The following UBR1 variants were observed in gnomAD, a reference collection of about 807,000 sequenced individuals.
The protein encoded by UBR1 is ubiquitin protein ligase E3 component n-recognin 1, also known as E3 ubiquitin-protein ligase UBR1.
A neutral mutation model predicts 242.1 loss-of-function variants in UBR1; 102 were observed. The observed-to-expected ratio is 0.42, with a 90% CI of 0.36 to 0.50. The LOEUF (loss-of-function observed/expected upper bound fraction) is 0.50, where lower values mean the gene tolerates loss of function less well. Ranked by LOEUF, UBR1 falls within the 20% of genes least tolerant of loss-of-function variation. The pLI is 0.01. For missense variants in UBR1, 1,772 were observed against 2,101.8 expected (o/e 0.84, Z 3.07); for synonymous variants, 675 against 684.8 (o/e 0.99, Z 0.22).
intron 12 of UBR1, among the ~76,000 whole-genome samples, chr15:43,051,627 A>G (rs914843723): frequency 6.6e-6 from 1 of 152,224 alleles, no homozygotes; most frequent in African/African-American, 2.4e-5. Flanking sequence ...TTGCATTCAC[A>G]TTAAAATCTG....
intron 6 of UBR1, 142 bp from the exon 7 acceptor site, chr15:43,060,256 C>A (rs972026169): frequency 2.5e-6 from 2 of 816,076 alleles, no homozygotes; most frequent in East Asian, 2.4e-5. Context: ...GGAACAATAT[C>A]TGAAAGACAG....
rs191443517 is a variant in UBR1, at chr15:43,005,135, C to T, written c.3416-1205G>A. 3.4e-3 allele frequency among the ~76,000 whole-genome samples: 508 copies of T among 150,724 alleles called. 1 individual carries two copies. Among genetic ancestry groups the T allele is most frequent in the Middle Eastern group, 0.021 (6 of 284 alleles). ...CCGTCTGAGAAGTGAGGAGCCCCTC[C>T]GCCCGGCAGCCACCCCATCTGGGAA... On this transcript the variant is annotated intron_variant, in intron 30 of 46. Transcript: ENST00000290650.
intron 45 of UBR1, among the ~76,000 whole-genome samples, chr15:42,951,261 C>T (rs2031828054): frequency 6.6e-6 from 1 of 152,062 alleles, no homozygotes; most frequent in Non-Finnish European, 1.5e-5. Context: ...CTTGCTCTGT[C>T]AACCAGGCTG....
At chr15:43,080,742 G>T (rs2033965775) in intron 3 of UBR1, among the ~76,000 whole-genome samples, 1 of 152,064 alleles carries the variant, frequency 6.6e-6, no homozygotes, top group African/African-American at 2.4e-5. Flanking sequence ...ATCACTTGAG[G>T]TCAGGAGTTT....
chr15:43,044,338 G>A (rs1467222268), intron 14 of UBR1, among the ~76,000 whole-genome samples: 1 of 152,150 alleles, frequency 6.6e-6, no homozygotes, highest in East Asian at 1.9e-4. Flanking sequence ...TGACTATAAA[G>A]TAAAGTGATA....
chr15:43,079,006 G>A (rs1002678874), intron 3 of UBR1, among the ~76,000 whole-genome samples: 1 of 152,134 alleles, frequency 6.6e-6, no homozygotes, highest in African/African-American at 2.4e-5. Flanking sequence ...CAAATGAAAA[G>A]TTAATGAATA....
chr15:43,046,794 A>C (rs1413035803), intron 14 of UBR1, among the ~76,000 whole-genome samples: 1 of 152,212 alleles, frequency 6.6e-6, no homozygotes, highest in Non-Finnish European at 1.5e-5. Flanking sequence ...TGAAACTAAC[A>C]CATACAACAA....
In UBR1 at chr15:43,059,695, T is replaced by C. The variant is rs1483792324; in HGVS notation, c.985+7A>G. 1 of 1,613,736 alleles carries C rather than the reference T, an allele frequency of 6.2e-7. No homozygotes were observed. Among genetic ancestry groups the C allele is most frequent in the Admixed American group, 1.7e-5 (1 of 59,996 alleles). On this transcript the variant is annotated splice_region_variant and intron_variant, in intron 8 of 46. Coordinates refer to ENST00000290650, the MANE Select transcript of UBR1 (RefSeq NM_174916.3). ...TCAGAAACAAGAAAAACAGGAGGTA[T>C]GCTTACTTGAATAGCTCATAATTTT...
intron 41 of UBR1, among the ~76,000 whole-genome samples, chr15:42,965,202 TG>T (rs1368799948): frequency 6.6e-6 from 1 of 152,164 alleles, no homozygotes; most frequent in Non-Finnish European, 1.5e-5. Flanking sequence ...ATAAAGAAGC[TG>T]ATAGCCAGTA....
At chr15:43,068,380 C>T (rs779745862) in intron 5 of UBR1, among the ~76,000 whole-genome samples, 36 of 151,676 alleles carry the variant, frequency 2.4e-4, no homozygotes, top group Middle Eastern at 3.4e-3. Context: ...TGTAGAGATG[C>T]TTCGCCATTT....
intron 33 of UBR1, among the ~76,000 whole-genome samples, chr15:42,992,838 C>T (rs1410944234): frequency 1.3e-5 from 2 of 152,184 alleles, no homozygotes; most frequent in Non-Finnish European, 2.9e-5. Context: ...TTTATGACTG[C>T]GGATGCCCTT....
intron 45 of UBR1, 129 bp downstream of exon 45, chr15:42,952,149 A>G: frequency 2.6e-6 from 3 of 1,161,956 alleles, no homozygotes; most frequent in Non-Finnish European, 3.8e-6. Flanking sequence ...TTTCATGTCA[A>G]TAACAGGTTA....
chr15:43,076,802 C>G (rs2033905626), intron 3 of UBR1, among the ~76,000 whole-genome samples: 1 of 134,112 alleles, frequency 7.5e-6, no homozygotes, highest in African/African-American at 2.7e-5. Flanking sequence ...GCCCGGCCAG[C>G]CGCCCCGTCC....
At position 43,025,362 on chromosome 15, in the gene UBR1, T is replaced by A; in HGVS notation, c.2584+19A>T. On this transcript the variant is annotated intron_variant, in intron 24 of 46. Transcript: ENST00000290650. ...CAGAAAATAGTCAAAATGAGTCAATTCAGAATCTCACTTTTTACCTTCATC... is the reference window on the plus strand; with the variant it reads ...CAGAAAATAGTCAAAATGAGTCAATACAGAATCTCACTTTTTACCTTCATC... 6.2e-7 allele frequency: 1 copy of A among 1,603,200 alleles called. No individual in the cohort carries two copies. The highest frequency in any genetic ancestry group is 8.5e-7 in the Non-Finnish European group (1 of 1,172,542).
chr15:42,953,426 G>A (rs2031866387), intron 44 of UBR1, among the ~76,000 whole-genome samples: 1 of 152,172 alleles, frequency 6.6e-6, no homozygotes, highest in African/African-American at 2.4e-5. Context: ...GGTACTGACA[G>A]CCTTTTTTCT....
intron 12 of UBR1, among the ~76,000 whole-genome samples, chr15:43,051,473 C>G (rs2033554123): frequency 6.6e-6 from 1 of 152,054 alleles, no homozygotes; most frequent in Non-Finnish European, 1.5e-5. Flanking sequence ...CTAATGGGTA[C>G]TAGGCTTAAT....
At chr15:43,085,590 T>G (rs114453911) in intron 2 of UBR1, among the ~76,000 whole-genome samples, 1 of 151,964 alleles carries the variant, frequency 6.6e-6, no homozygotes, top group Non-Finnish European at 1.5e-5. Flanking sequence ...AATACCAAGA[T>G]TGTAATACTT....
chr15:43,044,398 A>G (rs1390854680), intron 14 of UBR1, among the ~76,000 whole-genome samples: 1 of 152,246 alleles, frequency 6.6e-6, no homozygotes, highest in Non-Finnish European at 1.5e-5. Flanking sequence ...ATGAACCCAT[A>G]GAAAATAATT....
chr15:42,950,451 T>C lies in UBR1; in HGVS notation c.5007-88A>G, dbSNP rs1596072205. 3.6e-6 allele frequency: 4 copies of C among 1,113,250 alleles called. No homozygotes were observed. The East Asian group carries it at 7.1e-5, about 20-fold the overall frequency. 69.0% of individuals were successfully genotyped at this position (1,113,250 alleles called of 1,614,324 possible). On this transcript the variant is annotated intron_variant, in intron 45 of 46. Transcript: ENST00000290650. ...TCAATGTTAACCTAGAGAAAAGACG[T>C]GGCCAATATCTGTTAGATATTCAGT...
Sources: gnomAD v4.1 joint callset for allele counts (sites outside exome capture counted in the v4.1 genomes callset) on GRCh38, gnomAD v4.1.1 for gene constraint, MANE v1.5 for transcripts, NCBI Gene and HGNC (gene_info 2026-07-23, HGNC 2026-07-21) for gene names.